Variants in COL22A1 observed in about 807,000 individuals in gnomAD.
COL22A1 encodes the protein collagen alpha-1(XXII) chain.
In COL22A1, 221 loss-of-function variants were observed where a neutral mutation model predicts 248.9. The observed-to-expected ratio is 0.89, with a 90% CI of 0.80 to 0.99. The LOEUF (loss-of-function observed/expected upper bound fraction) is 0.99. COL22A1 is among the 50% of genes least tolerant of loss of function. The pLI is 0.00. For missense variants in COL22A1, 2,240 were observed against 2,179.0 expected (o/e 1.03, Z -0.56); for synonymous variants, 891 against 793.4 (o/e 1.12, Z -2.07).
rs1434286203 is a variant in COL22A1, at chr8:138,626,259, C to T, written c.3664-16G>A. The stretch of plus-strand genomic sequence containing the variant: ...CTTCTTTCCCCTAAAAGATCCAAGA[C>T]ATAAAAACACCATGAAACCTCTGCT... On this transcript the variant is annotated splice_polypyrimidine_tract_variant and intron_variant, in intron 50 of 64. Transcript: ENST00000303045. The T allele has an allele frequency of 6.2e-7, 1 of 1,602,378 alleles. No individual in the cohort carries two copies. Among genetic ancestry groups the T allele is most frequent in the Non-Finnish European group, 8.5e-7 (1 of 1,172,452 alleles).
In COL22A1 at chr8:138,690,832, G is replaced by T. The variant is rs745740457; in HGVS notation, c.2797C>A (p.Pro933Thr). ...HVGAPGPSGPPGSVGAPGLRG... is the reference protein window; with the variant it reads ...HVGAPGPSGPTGSVGAPGLRG... ...TCCCAATTACTCACCACACTTCCTGGAGGGCCACTGGGACCGGGGGCACCG... is the reference window on the plus strand; with the variant it reads ...TCCCAATTACTCACCACACTTCCTGTAGGGCCACTGGGACCGGGGGCACCG... Residue 933 changes from proline to threonine, a missense_variant, in exon 36 of 65, where the codon CCA (proline) becomes ACA (threonine). Physicochemically the swap from Pro to Thr is conservative, Grantham distance 38. Coordinates refer to ENST00000303045, the MANE Select transcript of COL22A1 (RefSeq NM_152888.3). The T allele has an allele frequency of 6.2e-6, 10 of 1,609,702 alleles. No individual in the cohort carries two copies. In the South Asian group the frequency reaches 1.1e-4, roughly 18 times the overall value.
At chr8:138,744,368 C>T (rs1007477604) in intron 22 of COL22A1, among the ~76,000 whole-genome samples, 3 of 152,150 alleles carry the variant, frequency 2.0e-5, no homozygotes, top group East Asian at 1.9e-4. Context: ...TGCATCCTAT[C>T]GGACAGGCAT....
Position 138,679,686 on chromosome 8 carries a change from G to GA in COL22A1, c.3013-11dup. 1 of 1,613,170 alleles carries GA rather than the reference G, an allele frequency of 6.2e-7. No homozygotes were observed. Among genetic ancestry groups the GA allele is most frequent in the Non-Finnish European group, 8.5e-7 (1 of 1,179,254 alleles). On this transcript the variant is annotated splice_polypyrimidine_tract_variant and intron_variant, in intron 39 of 64. Transcript: ENST00000303045. ...CTTTTCCGCAAGCAGCCTGAAAGTA[G>GA]AAAATCTTCACTCATTTCTTCACCA... is the stretch of plus-strand genomic sequence containing the variant.
At chr8:138,789,430 G>GGA (rs1356871235) in intron 12 of COL22A1, among the ~76,000 whole-genome samples, 2 of 152,212 alleles carry the variant, frequency 1.3e-5, no homozygotes, top group African/African-American at 4.8e-5. Flanking sequence ...GCTAAGAATA[G>GGA]GAGATGGGGG....
In COL22A1 at chr8:138,722,201, G is replaced by A. The variant is rs201233473; in HGVS notation, c.2248-112C>T. 1.7e-4 allele frequency: 142 copies of A among 834,518 alleles called. 1 individual carries two copies. The highest frequency in any genetic ancestry group is 3.2e-4 in the East Asian group (12 of 37,046). 51.7% of individuals were successfully genotyped at this position (834,518 alleles called of 1,614,324 possible). A position where few individuals can be genotyped will look rare whatever the true frequency, so the allele number is the denominator to read the frequency against. The stretch of plus-strand genomic sequence containing the variant: ...TTTGCAGCCAGAATGCAGGAGGCTC[G>A]GGCGTCTGCTCTTTGATTAGCAGGG... On this transcript the variant is annotated intron_variant, in intron 25 of 64. Coordinates refer to ENST00000303045, the MANE Select transcript of COL22A1 (RefSeq NM_152888.3).
At position 138,645,487 on chromosome 8, in the gene COL22A1, T is replaced by C. The variant is rs150761067; in HGVS notation, c.3501+1142A>G. Among the ~76,000 whole-genome samples the C allele has an allele frequency of 1.5e-3, 229 of 152,342 alleles. 1 individual carries two copies. The highest frequency in any genetic ancestry group is 5.2e-3 in the African/African-American group (216 of 41,580). ...TGCATCTCCTTTGCTGTGTGTCTCT[T>C]GTTTAAATGCTTTTCAACCAAGGAG... On this transcript the variant is annotated intron_variant, in intron 47 of 64. Transcript: ENST00000303045.
intron 41 of COL22A1, among the ~76,000 whole-genome samples, chr8:138,670,385 G>T (rs1321643778): frequency 6.6e-6 from 1 of 152,130 alleles, no homozygotes; most frequent in Non-Finnish European, 1.5e-5. Flanking sequence ...ATCAAGCCCT[G>T]CACATTCCTT....
intron 7 of COL22A1, among the ~76,000 whole-genome samples, chr8:138,814,538 G>C (rs1818515541): frequency 6.6e-6 from 1 of 152,216 alleles, no homozygotes; most frequent in Admixed American, 6.5e-5. Flanking sequence ...AGGAATTAGG[G>C]TGGCTGCAAA....
chr8:138,785,271 TG>T (rs1213565501), intron 12 of COL22A1, among the ~76,000 whole-genome samples: 2 of 152,120 alleles, frequency 1.3e-5, no homozygotes, highest in Non-Finnish European at 2.9e-5. Flanking sequence ...AGCAATAAAG[TG>T]GGCTCAGCTC....
At chr8:138,848,090 T>C (rs890838848) in intron 3 of COL22A1, among the ~76,000 whole-genome samples, 2 of 152,182 alleles carry the variant, frequency 1.3e-5, no homozygotes. Flanking sequence ...GCATAAGAAG[T>C]AGTTCTAAAT....
chr8:138,883,797 G>A (rs951597809), intron 1 of COL22A1, among the ~76,000 whole-genome samples: 1 of 152,146 alleles, frequency 6.6e-6, no homozygotes, highest in Non-Finnish European at 1.5e-5. Context: ...GGCCTCCCCA[G>A]CCATGCGGAA....
chr8:138,634,978 G>A (rs377450366), intron 49 of COL22A1, 32 bp downstream of exon 49: 139 of 1,472,388 alleles, frequency 9.4e-5, no homozygotes, highest in East Asian at 5.9e-4. Flanking sequence ...TGTCAAGGCC[G>A]AAAGAGGAGG....
At chr8:138,604,267 C>G (rs1468216698) in intron 59 of COL22A1, among the ~76,000 whole-genome samples, 3 of 152,100 alleles carry the variant, frequency 2.0e-5, no homozygotes, top group Admixed American at 2.0e-4. Flanking sequence ...ACTGCAGTGT[C>G]TCCATATGCT....
chr8:138,693,739 T>C, intron 34 of COL22A1, 40 bp from the exon 35 acceptor site: 1 of 1,546,116 alleles, frequency 6.5e-7, no homozygotes, highest in African/African-American at 1.4e-5. Context: ...TAAGACACCC[T>C]CAGTGATGCT....
At chr8:138,803,057 A>G (rs1390781225) in intron 10 of COL22A1, 123 bp from the exon 11 acceptor site, 14 of 782,114 alleles carry the variant, frequency 1.8e-5, no homozygotes, top group Non-Finnish European at 3.0e-5. Context: ...CATCTTTGCC[A>G]TTTCTGCAAC....
At chr8:138,809,678 G>A (rs955079414) in intron 9 of COL22A1, among the ~76,000 whole-genome samples, 2 of 151,744 alleles carry the variant, frequency 1.3e-5, no homozygotes, top group African/African-American at 2.4e-5. Context: ...ACACCACCAC[G>A]CCTGGCTAAT....
chr8:138,614,044 T>C, intron 55 of COL22A1, 124 bp from the exon 56 acceptor site: 1 of 760,054 alleles, frequency 1.3e-6, no homozygotes, highest in Non-Finnish European at 2.3e-6. Context: ...TTGTCCAGCA[T>C]GTTTCATCAT....
At chr8:138,614,739 G>A (rs1819177277) in intron 55 of COL22A1, among the ~76,000 whole-genome samples, 1 of 152,078 alleles carries the variant, frequency 6.6e-6, no homozygotes, top group African/African-American at 2.4e-5. Context: ...GGGTTGGGGT[G>A]GGCTCTACTT....
chr8:138,804,454 G>A (rs1586781892), intron 10 of COL22A1, among the ~76,000 whole-genome samples: 1 of 152,164 alleles, frequency 6.6e-6, no homozygotes, highest in Admixed American at 6.5e-5. Flanking sequence ...CACAGCAGAG[G>A]CAGCCATTAC....
Sources: allele counts gnomAD v4.1 joint callset (sites outside exome capture counted in the v4.1 genomes callset), GRCh38; gene constraint gnomAD v4.1.1; transcripts MANE v1.5; gene names NCBI Gene and HGNC (gene_info 2026-07-23, HGNC 2026-07-21).